Variants in RIMOC1 observed in about 807,000 individuals in gnomAD.
The protein encoded by RIMOC1 is RAB7A interacting MON1-CCZ1 complex subunit 1, also known as RAB7A-interacting MON1-CCZ1 complex subunit 1.
chr5:41,911,295 C>G, the RIMOC1 span: 1 of 866,984 alleles, frequency 1.2e-6, no homozygotes, highest in Non-Finnish European at 1.6e-6. Flanking sequence ...TATTCTGTGT[C>G]TTTTATTTAC....
chr5:41,913,684 T>G, the RIMOC1 span, among the ~76,000 whole-genome samples: 1 of 152,232 alleles, frequency 6.6e-6, no homozygotes, highest in African/African-American at 2.4e-5. Flanking sequence ...GTTTTAATTC[T>G]TCCTGTTTCT....
chr5:41,911,096 C>T, the RIMOC1 span: 4 of 1,609,340 alleles, frequency 2.5e-6, no homozygotes, highest in African/African-American at 1.3e-5. Flanking sequence ...CTCTTGGAGA[C>T]GAGGAGCCCT....
the RIMOC1 span, chr5:41,909,958 G>A: frequency 1.5e-6 from 2 of 1,301,246 alleles, no homozygotes; most frequent in Admixed American, 2.9e-5. Flanking sequence ...GCTTTTTGGA[G>A]TCTATATTTT....
chr5:41,918,233 G>A, the RIMOC1 span: 77 of 985,676 alleles, frequency 7.8e-5, no homozygotes, highest in Non-Finnish European at 9.0e-5. Flanking sequence ...GCTTACTCCC[G>A]TGGCCGCACT....
the RIMOC1 span, chr5:41,904,411 T>G: frequency 6.2e-7 from 1 of 1,613,818 alleles, no homozygotes; most frequent in African/African-American, 1.3e-5. Flanking sequence ...GTGGAAGAGC[T>G]CGGGGATCTG....
At chr5:41,910,255 C>G in the RIMOC1 span, among the ~76,000 whole-genome samples, 3 of 151,986 alleles carry the variant, frequency 2.0e-5, no homozygotes, top group Non-Finnish European at 4.4e-5. Flanking sequence ...CATTTGCTCC[C>G]CTTCTTAATG....
chr5:41,905,040 T>G, the RIMOC1 span, among the ~76,000 whole-genome samples: 5 of 152,220 alleles, frequency 3.3e-5, no homozygotes, highest in African/African-American at 1.2e-4. Context: ...TCTAAGCTGT[T>G]AGGAAAAACT....
the RIMOC1 span, chr5:41,904,500 G>A: frequency 6.3e-7 from 1 of 1,594,826 alleles, no homozygotes; most frequent in Non-Finnish European, 8.6e-7. Context: ...GGCGGGCGGG[G>A]CAGACGGCGC....
the RIMOC1 span, chr5:41,919,585 C>T: frequency 6.6e-6 from 1 of 152,140 alleles, no homozygotes. Flanking sequence ...GAACCACAGA[C>T]TATCCCTCTT....
At chr5:41,917,070 A>C in the RIMOC1 span, 2 of 1,613,698 alleles carry the variant, frequency 1.2e-6, no homozygotes, top group South Asian at 2.2e-5. Context: ...GAAATGTGTT[A>C]CTGGGGATCG....
chr5:41,906,094 C>T, the RIMOC1 span, among the ~76,000 whole-genome samples: 4 of 152,096 alleles, frequency 2.6e-5, no homozygotes, highest in African/African-American at 7.2e-5. Context: ...TATATTTATA[C>T]TAGGATATAA....
the RIMOC1 span, chr5:41,917,968 A>G: frequency 1.0e-5 from 10 of 979,146 alleles, no homozygotes; most frequent in Middle Eastern, 5.2e-4. Context: ...GTGAGTAATG[A>G]AGATAAAAAC....
the RIMOC1 span, chr5:41,918,149 C>T: frequency 1.0e-6 from 1 of 985,728 alleles, no homozygotes; most frequent in Non-Finnish European, 1.2e-6. Context: ...CTCCTGTTGT[C>T]ATCTTTGGAT....
the RIMOC1 span, among the ~76,000 whole-genome samples, chr5:41,913,451 G>A: frequency 6.6e-6 from 1 of 152,170 alleles, no homozygotes; most frequent in South Asian, 2.1e-4. Flanking sequence ...TTAGACTTGT[G>A]TGTGAGGAGA....
the RIMOC1 span, chr5:41,921,020 C>A: frequency 6.6e-6 from 1 of 152,546 alleles, no homozygotes; most frequent in South Asian, 2.1e-4. Context: ...GGCTTTTAGA[C>A]TTAGTTAAAG....
chr5:41,917,253 C>T, the RIMOC1 span: 12 of 1,611,870 alleles, frequency 7.4e-6, no homozygotes, highest in Admixed American at 1.7e-5. Context: ...TGGAATACAA[C>T]GAATGCAAAA....
At chr5:41,909,691 GT>G in the RIMOC1 span, 46 of 1,270,024 alleles carry the variant, frequency 3.6e-5, no homozygotes, top group Admixed American at 1.4e-4. Flanking sequence ...TGTAAGAATT[GT>G]TTTTTTTCAA....
At chr5:41,916,766 G>C in the RIMOC1 span, among the ~76,000 whole-genome samples, 4 of 152,028 alleles carry the variant, frequency 2.6e-5, no homozygotes, top group African/African-American at 4.8e-5. Flanking sequence ...ACACCTAAAT[G>C]GTTCTCTAAA....
chr5:41,915,115 A>G, the RIMOC1 span, among the ~76,000 whole-genome samples: 2 of 152,328 alleles, frequency 1.3e-5, no homozygotes, highest in East Asian at 3.9e-4. Context: ...AATTTTATGC[A>G]GTAAGCCCTT....
Sources: gnomAD v4.1 joint callset for allele counts (sites outside exome capture counted in the v4.1 genomes callset) on GRCh38, gnomAD v4.1.1 for gene constraint, MANE v1.5 for transcripts, NCBI Gene and HGNC (gene_info 2026-07-23, HGNC 2026-07-21) for gene names.